UST: variants seen among roughly 807,000 people sequenced by gnomAD.
UST encodes the protein chondroitin sulfate 2-O-sulfotransferase.
UST carries 21 observed loss-of-function variants against 45.6 expected under a neutral mutation model. The ratio of observed to expected loss-of-function variants is 0.46; its 90% CI spans 0.33 to 0.66. The LOEUF (loss-of-function observed/expected upper bound fraction) is 0.66, where lower values mean the gene tolerates loss of function less well. Among genes scored for constraint, UST ranks in the 30% least tolerant of loss-of-function variants. The pLI is 0.02. For missense variants in UST, 463 were observed against 512.4 expected (o/e 0.90, Z 0.93); for synonymous variants, 215 against 200.6 (o/e 1.07, Z -0.61).
At chr6:149,024,817 A>C (rs141813509) in intron 7 of UST, among the ~76,000 whole-genome samples, 65 of 152,302 alleles carry the variant, frequency 4.3e-4, no homozygotes, top group African/African-American at 1.4e-3. Flanking sequence ...GCTAAAATCT[A>C]AGATACTGAT....
At chr6:149,002,222 G>T (rs1190067016) in intron 5 of UST, among the ~76,000 whole-genome samples, 1 of 151,842 alleles carries the variant, frequency 6.6e-6, no homozygotes, top group Non-Finnish European at 1.5e-5. Context: ...ACAGGGAAGG[G>T]ATATTATTAA....
intron 4 of UST, chr6:148,956,149 T>C (rs931243083): frequency 9.2e-5 from 14 of 152,202 alleles, no homozygotes; most frequent in African/African-American, 3.4e-4. Flanking sequence ...TTTCTATTTT[T>C]CCATCTGTAA....
chr6:148,879,490 T>A (rs1458052477), intron 1 of UST, among the ~76,000 whole-genome samples: 1 of 152,202 alleles, frequency 6.6e-6, no homozygotes, highest in Non-Finnish European at 1.5e-5. Flanking sequence ...TGAGGAACTT[T>A]AAAAATACCA....
intron 1 of UST, among the ~76,000 whole-genome samples, chr6:148,875,674 C>T (rs949308409): frequency 6.6e-6 from 1 of 152,180 alleles, no homozygotes; most frequent in Non-Finnish European, 1.5e-5. Context: ...CGTGGTGGCA[C>T]GCATCTGTAG....
intron 7 of UST, among the ~76,000 whole-genome samples, chr6:149,026,146 T>TAA (rs771431174): frequency 3.1e-4 from 27 of 87,748 alleles, no homozygotes; most frequent in Admixed American, 1.0e-3. Flanking sequence ...AGACTCCATC[T>TAA]AAAAAAAAAA....
rs1249913402 is a variant in UST, at chr6:148,934,890, C to T, written c.292-6389C>T. 6.6e-6 allele frequency among the ~76,000 whole-genome samples: 1 copy of T among 152,152 alleles called. No individual in the cohort carries two copies. The highest frequency in any genetic ancestry group is 1.5e-5 in the Non-Finnish European group (1 of 68,038). On this transcript the variant is annotated intron_variant, in intron 2 of 7. Coordinates refer to ENST00000367463, the MANE Select transcript of UST (RefSeq NM_005715.3). The surrounding 1 kb of genome is among the most constrained non-coding windows in gnomAD (Gnocchi z 4.1). ...TTTGAATATACAGTTATTTGCGAAC[C>T]ACAGCTTGTACTATATTAAGTATCA... is the stretch of plus-strand genomic sequence containing the variant.
intron 7 of UST, among the ~76,000 whole-genome samples, chr6:149,072,998 A>G (rs1244787746): frequency 1.3e-5 from 2 of 152,256 alleles, no homozygotes; most frequent in African/African-American, 4.8e-5. Flanking sequence ...ACACTTAAAA[A>G]TAGTTAAAAT....
intron 5 of UST, among the ~76,000 whole-genome samples, chr6:148,994,805 C>T (rs1781419698): frequency 6.6e-6 from 1 of 152,106 alleles, no homozygotes; most frequent in Admixed American, 6.5e-5. Context: ...TGCAGTTTCT[C>T]TTTCAGGGCC....
intron 7 of UST, among the ~76,000 whole-genome samples, chr6:149,048,745 A>C (rs1776430175): frequency 6.6e-6 from 1 of 152,200 alleles, no homozygotes; most frequent in Non-Finnish European, 1.5e-5. Flanking sequence ...CAAGTTACCA[A>C]CAAATACACT....
chr6:148,899,771 C>A (rs574913622), intron 2 of UST, among the ~76,000 whole-genome samples: 1 of 152,228 alleles, frequency 6.6e-6, no homozygotes, highest in African/African-American at 2.4e-5. Flanking sequence ...TTATCTGGTT[C>A]TTTAGTATTA....
intron 2 of UST, among the ~76,000 whole-genome samples, chr6:148,907,358 C>T (rs1329389710): frequency 2.0e-5 from 3 of 152,096 alleles, no homozygotes; most frequent in Non-Finnish European, 4.4e-5. Flanking sequence ...TTCTAGATAC[C>T]TTATAGAGGT....
rs374502750 is a variant in UST, at chr6:148,995,869, A to C, written c.682-23270A>C. 4.6e-5 allele frequency among the ~76,000 whole-genome samples: 7 copies of C among 152,186 alleles called. 1 individual carries two copies. The highest frequency in any genetic ancestry group is 1.3e-4 in the Admixed American group (2 of 15,280). ...TTCCTAGTTTGCCCTGCGTTTCTCC[A>C]CCCCTCAGTATCTGCAGGCACAGGG... On this transcript the variant is annotated intron_variant, in intron 5 of 7. Coordinates refer to ENST00000367463, the MANE Select transcript of UST (RefSeq NM_005715.3).
At position 148,795,368 on chromosome 6, in the gene UST, G is replaced by A. The variant is rs1004616740; in HGVS notation, c.247+47691G>A. 8.5e-5 allele frequency among the ~76,000 whole-genome samples: 13 copies of A among 152,216 alleles called. 1 individual carries two copies. In the Middle Eastern group the frequency reaches 0.014, roughly 159 times the overall value. ...CCTGTCCTGGCTGGTTAACTTTAAG[G>A]GTGGCCTGGCCTGCTGCTTTGCTCA... On this transcript the variant is annotated intron_variant, in intron 1 of 7. Coordinates refer to ENST00000367463, the MANE Select transcript of UST (RefSeq NM_005715.3).
At chr6:148,901,322 G>A (rs1779252024) in intron 2 of UST, among the ~76,000 whole-genome samples, 1 of 152,170 alleles carries the variant, frequency 6.6e-6, no homozygotes, top group Non-Finnish European at 1.5e-5. Context: ...AGATAGGTTA[G>A]GGTGATGCAA....
intron 7 of UST, among the ~76,000 whole-genome samples, chr6:149,048,783 T>A (rs1776430752): frequency 6.6e-6 from 1 of 152,156 alleles, no homozygotes; most frequent in African/African-American, 2.4e-5. Flanking sequence ...ACATTCATAA[T>A]CTAAGAAGTG....
chr6:148,798,982 G>GC (rs1777003315), intron 1 of UST, among the ~76,000 whole-genome samples: 1 of 152,136 alleles, frequency 6.6e-6, no homozygotes, highest in African/African-American at 2.4e-5. Flanking sequence ...CGATTCTCCT[G>GC]CGTTGGCTTC....
At chr6:148,998,051 G>A (rs115883165) in intron 5 of UST, among the ~76,000 whole-genome samples, 2,270 of 152,292 alleles carry the variant, frequency 0.015, 50 homozygotes, top group African/African-American at 0.051. Context: ...ACTATTGCAT[G>A]TGAAAGAAAA....
At chr6:149,032,324 C>T (rs959831070) in intron 7 of UST, among the ~76,000 whole-genome samples, 1 of 152,190 alleles carries the variant, frequency 6.6e-6, no homozygotes, top group East Asian at 1.9e-4. Context: ...AGCCTGAGTT[C>T]TTCCTCCCTG....
Position 149,044,598 on chromosome 6 carries a change from T to G in UST, c.937+23117T>G, listed in dbSNP as rs537405932. The stretch of plus-strand genomic sequence containing the variant: ...GATATCAGCATCCGTAGGCTGAACT[T>G]AATATGAAGTGTGAGTGGTGCCCGC... On this transcript the variant is annotated intron_variant, in intron 7 of 7. Coordinates refer to ENST00000367463, the MANE Select transcript of UST (RefSeq NM_005715.3). Among the ~76,000 whole-genome samples the G allele has an allele frequency of 1.7e-3, 261 of 152,256 alleles. 2 individuals are homozygous for G. The Middle Eastern group carries it at 0.037, about 22-fold the overall frequency.
Sources: allele counts gnomAD v4.1 joint callset (sites outside exome capture counted in the v4.1 genomes callset), GRCh38; gene constraint gnomAD v4.1.1; non-coding constraint Gnocchi (gnomAD v3.1); transcripts MANE v1.5; gene names NCBI Gene and HGNC (gene_info 2026-07-23, HGNC 2026-07-21).